KIAA0825: variants seen among roughly 807,000 people sequenced by gnomAD.
The protein encoded by KIAA0825 is uncharacterized protein KIAA0825.
A neutral mutation model predicts 147.6 loss-of-function variants in KIAA0825; 119 were observed. The ratio of observed to expected loss-of-function variants is 0.81; its 90% CI spans 0.69 to 0.94. The LOEUF (loss-of-function observed/expected upper bound fraction) is 0.94, where lower values mean the gene tolerates loss of function less well. Ranked by LOEUF, KIAA0825 falls within the 40% of genes least tolerant of loss-of-function variation. The probability of loss-of-function intolerance (pLI) is 0.00; values close to 1 mark genes in which losing one functional copy is unlikely to be tolerated. For missense variants in KIAA0825, 1,381 were observed against 1,472.7 expected (o/e 0.94, Z 1.02); for synonymous variants, 470 against 518.1 (o/e 0.91, Z 1.26).
At chr5:94,210,952 T>C (rs1406466425) in intron 20 of KIAA0825, among the ~76,000 whole-genome samples, 2 of 152,202 alleles carry the variant, frequency 1.3e-5, no homozygotes, top group East Asian at 3.8e-4. Context: ...ATGATAGTGT[T>C]TTAGATTTTG....
chr5:94,415,148 A>G (rs1753282073), intron 15 of KIAA0825: 1 of 152,206 alleles, frequency 6.6e-6, no homozygotes, highest in Non-Finnish European at 1.5e-5. Context: ...AGATGAAGAT[A>G]CCACTTCATC....
intron 20 of KIAA0825, among the ~76,000 whole-genome samples, chr5:94,217,996 A>C (rs1261694742): frequency 2.6e-5 from 4 of 152,208 alleles, no homozygotes; most frequent in African/African-American, 9.7e-5. Context: ...AACATTGAAT[A>C]TATGCAATGT....
intron 2 of KIAA0825, among the ~76,000 whole-genome samples, chr5:94,549,165 T>A (rs1343393278): frequency 1.3e-5 from 2 of 152,120 alleles, no homozygotes; most frequent in East Asian, 1.9e-4. Context: ...AGCACATAGA[T>A]CATTCTTAAG....
rs1782385429 is a variant in KIAA0825, at chr5:94,582,503, T to C, written c.-72A>G. ...CCTAAGGAGGTAGAAAATTATTTCC[T>C]GAAGAGTTGTCAGCAGAAGAACTGT... On this transcript the variant is annotated 5_prime_UTR_variant, in exon 2 of 21. Transcript: ENST00000682413. 1 of 152,206 alleles carries C rather than the reference T, an allele frequency of 6.6e-6. No homozygotes were observed. The highest frequency in any genetic ancestry group is 2.1e-4 in the South Asian group (1 of 4,832). The allele number at this position is 152,206 out of a possible 1,614,324, so 9.4% of individuals were successfully genotyped here. A position where few individuals can be genotyped will look rare whatever the true frequency, so the allele number is the denominator to read the frequency against.
In KIAA0825 at chr5:94,257,760, T is replaced by C. The variant is rs187313583; in HGVS notation, c.3711-103636A>G. Among the ~76,000 whole-genome samples the C allele has an allele frequency of 5.6e-4, 85 of 152,172 alleles. 1 individual carries two copies. Among genetic ancestry groups the C allele is most frequent in the African/African-American group, 1.9e-3 (79 of 41,574 alleles). ...ATCTAAAAGGACGTGATATTCTCAG[T>C]CTCTTAAGATTTTTGGCATTTGGCT... On this transcript the variant is annotated intron_variant, in intron 20 of 20. Coordinates refer to ENST00000682413, the MANE Select transcript of KIAA0825 (RefSeq NM_001145678.3).
chr5:94,411,552 T>C lies in KIAA0825; in HGVS notation c.2662+5649A>G, dbSNP rs146430269. 1.6e-4 allele frequency among the ~76,000 whole-genome samples: 24 copies of C among 152,228 alleles called. No individual in the cohort carries two copies. The South Asian group carries it at 2.3e-3, about 14-fold the overall frequency. ...CAAAAATCCATCATAGAACTAAACA[T>C]GACTAAAACTATAAAATTGCCAAAA... On this transcript the variant is annotated intron_variant, in intron 15 of 20. Coordinates refer to ENST00000682413, the MANE Select transcript of KIAA0825 (RefSeq NM_001145678.3).
At chr5:94,549,537 C>T (rs1226517010) in intron 2 of KIAA0825, among the ~76,000 whole-genome samples, 1 of 152,082 alleles carries the variant, frequency 6.6e-6, no homozygotes, top group African/African-American at 2.4e-5. Context: ...CATGGTGAAA[C>T]CCTATCTCTA....
chr5:94,460,301 T>C (rs547776012), intron 12 of KIAA0825, among the ~76,000 whole-genome samples: 12 of 152,252 alleles, frequency 7.9e-5, no homozygotes, highest in Admixed American at 5.2e-4. Flanking sequence ...GTACTCCTTT[T>C]ACAACATTCT....
At position 94,336,187 on chromosome 5, in the gene KIAA0825, T is replaced by C. The variant is rs188248544; in HGVS notation, c.3710+48181A>G. ...GAGTTTGAGACCAGCCTAGCCGACA[T>C]GGTGAAACCCTGTCTCTACTAATAG... On this transcript the variant is annotated intron_variant, in intron 20 of 20. Coordinates refer to ENST00000682413, the MANE Select transcript of KIAA0825 (RefSeq NM_001145678.3). 3.7e-3 allele frequency among the ~76,000 whole-genome samples: 561 copies of C among 151,924 alleles called. 2 individuals carry two copies. Among genetic ancestry groups the C allele is most frequent in the Middle Eastern group, 0.014 (4 of 294 alleles).
intron 18 of KIAA0825, among the ~76,000 whole-genome samples, chr5:94,390,756 G>A (rs1308582917): frequency 2.6e-5 from 4 of 152,058 alleles, no homozygotes; most frequent in Admixed American, 1.3e-4. Flanking sequence ...GAAAATGTAT[G>A]GTTATAAGGC....
intron 20 of KIAA0825, among the ~76,000 whole-genome samples, chr5:94,324,901 G>A (rs553510520): frequency 2.0e-5 from 3 of 151,730 alleles, no homozygotes; most frequent in East Asian, 1.9e-4. Context: ...ATATTTGGCC[G>A]ATTCTCCAAA....
intron 20 of KIAA0825, among the ~76,000 whole-genome samples, chr5:94,327,693 A>G (rs1374901360): frequency 6.6e-6 from 1 of 152,174 alleles, no homozygotes; most frequent in African/African-American, 2.4e-5. Context: ...AATACTTTCA[A>G]GAGGGTTTTT....
chr5:94,305,589 C>T (rs527531649), intron 20 of KIAA0825, among the ~76,000 whole-genome samples: 2 of 151,912 alleles, frequency 1.3e-5, no homozygotes, highest in South Asian at 2.1e-4. Flanking sequence ...TCAAAGTGCA[C>T]GTATAAAAAA....
At chr5:94,466,290 C>T (rs1213778533) in intron 10 of KIAA0825, among the ~76,000 whole-genome samples, 5 of 152,112 alleles carry the variant, frequency 3.3e-5, no homozygotes, top group African/African-American at 7.2e-5. Flanking sequence ...TATTATCTAC[C>T]GACTTTCAAA....
At chr5:94,452,429 T>C (rs1248913892) in intron 13 of KIAA0825, among the ~76,000 whole-genome samples, 1 of 152,230 alleles carries the variant, frequency 6.6e-6, no homozygotes, top group Non-Finnish European at 1.5e-5. Flanking sequence ...TCCAATGTTA[T>C]ATTTAGCAAG....
intron 20 of KIAA0825, among the ~76,000 whole-genome samples, chr5:94,302,399 G>A (rs567015315): frequency 6.6e-6 from 1 of 152,008 alleles, no homozygotes; most frequent in South Asian, 2.1e-4. Context: ...TATATATGAT[G>A]ACCTGTTCCA....
chr5:94,227,731 C>A (rs527359544), intron 20 of KIAA0825, among the ~76,000 whole-genome samples: 11 of 151,716 alleles, frequency 7.3e-5, no homozygotes, highest in African/African-American at 2.7e-4. Flanking sequence ...GACAGAAAAC[C>A]AAACACTGCA....
At chr5:94,482,074 T>C (rs1762553898) in intron 6 of KIAA0825, among the ~76,000 whole-genome samples, 1 of 152,104 alleles carries the variant, frequency 6.6e-6, no homozygotes, top group South Asian at 2.1e-4. Context: ...CTATCATTTT[T>C]TGAAGTGACA....
At chr5:94,446,790 G>A (rs1311002168) in intron 13 of KIAA0825, among the ~76,000 whole-genome samples, 1 of 152,070 alleles carries the variant, frequency 6.6e-6, no homozygotes, top group Non-Finnish European at 1.5e-5. Flanking sequence ...AAATAGATTT[G>A]GGTTTGAGAA....
Sources: gnomAD v4.1 joint callset for allele counts (sites outside exome capture counted in the v4.1 genomes callset) on GRCh38, gnomAD v4.1.1 for gene constraint, MANE v1.5 for transcripts, NCBI Gene and HGNC (gene_info 2026-07-23, HGNC 2026-07-21) for gene names.